Variants in DLGAP2 observed in about 807,000 individuals in gnomAD.
The protein encoded by DLGAP2 is disks large-associated protein 2.
A neutral mutation model predicts 100.3 loss-of-function variants in DLGAP2; 26 were observed. That is an observed-to-expected ratio of 0.26 (90% confidence interval 0.19 to 0.36). The LOEUF is 0.36. Among genes scored for constraint, DLGAP2 ranks in the 10% least tolerant of loss-of-function variants. The pLI is 1.00. For synonymous variants in DLGAP2, 886 were observed against 630.1 expected (o/e 1.41, Z -6.08); for missense variants, 1,858 against 1,453.2 (o/e 1.28, Z -4.53).
chr8:997,875 T>C (rs935217259), intron 2 of DLGAP2, among the ~76,000 whole-genome samples: 43 of 151,244 alleles, frequency 2.8e-4, no homozygotes, highest in Non-Finnish European at 1.5e-5. Context: ...CAAACACACA[T>C]ACACACATGC....
chr8:1,067,782 G>C (rs995180470), intron 2 of DLGAP2, among the ~76,000 whole-genome samples: 16 of 151,858 alleles, frequency 1.1e-4, no homozygotes, highest in Admixed American at 1.3e-4. Context: ...ATTTAGTGCA[G>C]CTGATGGACC....
chr8:1,159,619 AT>A (rs1480044175), intron 2 of DLGAP2, among the ~76,000 whole-genome samples: 1 of 152,220 alleles, frequency 6.6e-6, no homozygotes, highest in African/African-American at 2.4e-5. Context: ...CAGAGAAAGA[AT>A]ACCTGCATCT....
rs78276200 is a variant in DLGAP2 at position 1,112,720 on chromosome 8, A to C, written c.74-146131A>C. 7.4e-3 allele frequency among the ~76,000 whole-genome samples: 1,124 copies of C among 152,318 alleles called. 9 individuals are homozygous for C. Among genetic ancestry groups the C allele is most frequent in the Non-Finnish European group, 0.01 (713 of 68,026 alleles). On this transcript the variant is annotated intron_variant, in intron 2 of 14. Transcript: ENST00000637795. ...TTGCTCTACAGAGGTTCTTAAGTTT[A>C]ATTGGATCCCATTTGTCAATTTCCC...
At chr8:1,181,462 A>T (rs544990430) in intron 2 of DLGAP2, among the ~76,000 whole-genome samples, 1 of 152,134 alleles carries the variant, frequency 6.6e-6, no homozygotes, top group Admixed American at 6.5e-5. Context: ...GTGGCTGCAT[A>T]GTATTCTCAC....
Position 1,390,351 on chromosome 8 carries a change from C to T in DLGAP2, c.107-111015C>T, listed in dbSNP as rs1585327549. Among the ~76,000 whole-genome samples, 3 of 94,954 alleles carry T rather than the reference C, an allele frequency of 3.2e-5. 1 individual carries two copies. The allele number at this position is 94,954 out of a possible 152,430, so 62.3% of individuals were successfully genotyped here. On this transcript the variant is annotated intron_variant, in intron 3 of 14. Transcript: ENST00000637795. ...TCTTATGTATGACCTTTTAAAACTC[C>T]GTTTATTAAAATAATACTTTTTTTT... is the stretch of plus-strand genomic sequence containing the variant.
intron 6 of DLGAP2, among the ~76,000 whole-genome samples, chr8:1,600,743 C>T (rs763113599): frequency 6.6e-6 from 1 of 152,200 alleles, no homozygotes; most frequent in Non-Finnish European, 1.5e-5. Context: ...ATGTTCTTCT[C>T]TAAACTGGTT....
chr8:1,452,464 G>A (rs1327191403), intron 3 of DLGAP2, among the ~76,000 whole-genome samples: 1 of 152,246 alleles, frequency 6.6e-6, no homozygotes, highest in African/African-American at 2.4e-5. Context: ...AGCACCAGTG[G>A]ACATGGAATA....
At chr8:1,663,325 G>C (rs888316697) in intron 8 of DLGAP2, among the ~76,000 whole-genome samples, 9 of 152,094 alleles carry the variant, frequency 5.9e-5, no homozygotes, top group African/African-American at 2.2e-4. Flanking sequence ...GCTGCTGCTG[G>C]CATTTTCTTC....
Position 1,549,143 on chromosome 8 carries a change from C to T in DLGAP2, c.690C>T (p.Arg230=). 6.3e-7 allele frequency: 1 copy of T among 1,593,252 alleles called. No individual in the cohort carries two copies. The highest frequency in any genetic ancestry group is 8.5e-7 in the Non-Finnish European group (1 of 1,171,424). ...EQRSESPGRI[R]HLVHSVQKLF... Reference sequence around the variant, plus strand: ...GCAGCGAGAGCCCCGGGCGGATCCGCCACCTGGTACACTCCGTGCAGAAGC... The same window carrying T: ...GCAGCGAGAGCCCCGGGCGGATCCGTCACCTGGTACACTCCGTGCAGAAGC... Residue 230 remains arginine (R), a synonymous_variant, in exon 5 of 15, where the codon CGC becomes CGT. Transcript: ENST00000637795.
At chr8:1,248,846 C>G (rs1798974042) in intron 2 of DLGAP2, 2 of 152,298 alleles carry the variant, frequency 1.3e-5, no homozygotes, top group African/African-American at 4.8e-5. Context: ...GAGATGGGAC[C>G]TGCACACGGT....
intron 3 of DLGAP2, among the ~76,000 whole-genome samples, chr8:1,269,373 G>A (rs1048901398): frequency 1.3e-5 from 2 of 152,314 alleles, no homozygotes; most frequent in East Asian, 1.9e-4. Context: ...GTGGCACGGC[G>A]TGGCTCTGTG....
rs1798680804 is a variant in DLGAP2 at position 1,468,273 on chromosome 8, C to CG, written c.107-33090dup. Among the ~76,000 whole-genome samples the CG allele has an allele frequency of 2.7e-5, 4 of 150,914 alleles. No individual in the cohort carries two copies. The South Asian group carries it at 8.4e-4, about 32-fold the overall frequency. ...GTGCCCTGTTCACACAGCGTAGATC[C>CG]GGGCTGGTCCTGAGTCCCCAGCAGC... is the stretch of plus-strand genomic sequence containing the variant. On this transcript the variant is annotated intron_variant, in intron 3 of 14. Coordinates refer to ENST00000637795, the MANE Select transcript of DLGAP2 (RefSeq NM_001346810.2).
chr8:1,180,253 T>G (rs75229580), intron 2 of DLGAP2, among the ~76,000 whole-genome samples: 1 of 152,238 alleles, frequency 6.6e-6, no homozygotes, highest in Non-Finnish European at 1.5e-5. Flanking sequence ...GCTACACATA[T>G]GTCCATGTAA....
At chr8:1,140,193 G>T (rs1221741842) in intron 2 of DLGAP2, among the ~76,000 whole-genome samples, 1 of 152,132 alleles carries the variant, frequency 6.6e-6, no homozygotes, top group African/African-American at 2.4e-5. Flanking sequence ...TGCGACCAGG[G>T]TGACATGAAA....
At chr8:1,584,282 G>T (rs961046302) in intron 6 of DLGAP2, among the ~76,000 whole-genome samples, 1 of 151,598 alleles carries the variant, frequency 6.6e-6, no homozygotes. Flanking sequence ...TAAACATAAA[G>T]ATAATCAATT....
At chr8:1,440,153 C>T (rs1198657720) in intron 3 of DLGAP2, among the ~76,000 whole-genome samples, 1 of 152,120 alleles carries the variant, frequency 6.6e-6, no homozygotes, top group Non-Finnish European at 1.5e-5. Context: ...AAAAGGAAGT[C>T]TGTTAAAGTA....
At chr8:1,693,765 C>G (rs1046276369) in intron 13 of DLGAP2, among the ~76,000 whole-genome samples, 2 of 152,202 alleles carry the variant, frequency 1.3e-5, no homozygotes, top group East Asian at 1.9e-4. Context: ...ACACATCACT[C>G]TGACAAAGTT....
chr8:1,437,050 T>G (rs957001640), intron 3 of DLGAP2, among the ~76,000 whole-genome samples: 1 of 149,238 alleles, frequency 6.7e-6, no homozygotes, highest in African/African-American at 2.5e-5. Context: ...CGCGTAAGGG[T>G]GACGCCATCC....
At chr8:1,242,519 T>A (rs1388077796) in intron 2 of DLGAP2, among the ~76,000 whole-genome samples, 1 of 152,172 alleles carries the variant, frequency 6.6e-6, no homozygotes, top group Non-Finnish European at 1.5e-5. Context: ...GCCCACTTCC[T>A]CTTCAATCCT....
Sources: allele counts gnomAD v4.1 joint callset (sites outside exome capture counted in the v4.1 genomes callset), GRCh38; gene constraint gnomAD v4.1.1; transcripts MANE v1.5; gene names NCBI Gene and HGNC (gene_info 2026-07-23, HGNC 2026-07-21).